The following ASAP1 variants were observed in gnomAD, a reference collection of about 807,000 sequenced individuals.
ASAP1 encodes the protein ArfGAP with SH3 domain, ankyrin repeat and PH domain 1.
In ASAP1, 43 loss-of-function variants were observed where a neutral mutation model predicts 145.2. That is an observed-to-expected ratio of 0.30 (90% CI 0.23 to 0.38). ASAP1 has a LOEUF of 0.38. ASAP1 is among the 10% of genes least tolerant of loss of function. The pLI, the probability that ASAP1 is intolerant of heterozygous loss-of-function variation, is 1.00. For synonymous variants in ASAP1, 546 were observed against 515.5 expected (o/e 1.06, Z -0.80); for missense variants, 1,018 against 1,355.3 (o/e 0.75, Z 3.91).
chr8:130,099,539 C>T (rs2097524979), intron 24 of ASAP1, among the ~76,000 whole-genome samples: 1 of 151,858 alleles, frequency 6.6e-6, no homozygotes, highest in Non-Finnish European at 1.5e-5. Flanking sequence ...CTATGTTGTC[C>T]AGGCTTGAGC....
chr8:130,328,135 A>T (rs781208150), intron 3 of ASAP1, among the ~76,000 whole-genome samples: 6 of 152,184 alleles, frequency 3.9e-5, no homozygotes, highest in Non-Finnish European at 7.4e-5. Flanking sequence ...TAAGTATTCT[A>T]CATGCATTTC....
chr8:130,244,552 A>G (rs766863855), intron 3 of ASAP1, among the ~76,000 whole-genome samples: 29 of 152,148 alleles, frequency 1.9e-4, no homozygotes, highest in Non-Finnish European at 3.1e-4. Flanking sequence ...ATTTCCCCTC[A>G]CTAGAATTAT....
At chr8:130,373,912 T>A (rs1827352301) in intron 2 of ASAP1, among the ~76,000 whole-genome samples, 1 of 148,788 alleles carries the variant, frequency 6.7e-6, no homozygotes, top group Non-Finnish European at 1.5e-5. Context: ...GGCATGATGC[T>A]ATATTCAAGA....
At chr8:130,182,881 T>G (rs1814462090) in intron 7 of ASAP1, among the ~76,000 whole-genome samples, 1 of 133,252 alleles carries the variant, frequency 7.5e-6, no homozygotes, top group Admixed American at 7.2e-5. Context: ...CTTAGAAATT[T>G]AAAATGACAG....
intron 29 of ASAP1, among the ~76,000 whole-genome samples, chr8:130,057,727 CG>C (rs1179433314): frequency 1.1e-4 from 17 of 152,308 alleles, no homozygotes; most frequent in African/African-American, 4.1e-4. Context: ...GGATTACAGG[CG>C]TGAGCCACTG....
chr8:130,233,522 C>T (rs369391571), intron 4 of ASAP1, among the ~76,000 whole-genome samples: 3 of 152,180 alleles, frequency 2.0e-5, no homozygotes, highest in African/African-American at 4.8e-5. Context: ...AACAATGGTA[C>T]TTACCTTATT....
At chr8:130,284,850 C>CACACAG (rs1431253129) in intron 3 of ASAP1, among the ~76,000 whole-genome samples, 1 of 147,706 alleles carries the variant, frequency 6.8e-6, no homozygotes, top group Non-Finnish European at 1.5e-5. Context: ...TCTACACACA[C>CACACAG]ACACACACAC....
At position 130,334,409 on chromosome 8, in the gene ASAP1, C is replaced by T. The variant is rs373441482; in HGVS notation, c.186+23608G>A. Among the ~76,000 whole-genome samples, 10 of 152,212 alleles carry T rather than the reference C, an allele frequency of 6.6e-5. No individual in the cohort carries two copies. In the East Asian group the frequency reaches 1.3e-3, roughly 20 times the overall value. ...ACCTCACAGCCTCCCAAAAGTTCTACTTGTGTTTCACATAGATTCAGCTAG... is the reference window on the plus strand; with the variant it reads ...ACCTCACAGCCTCCCAAAAGTTCTATTTGTGTTTCACATAGATTCAGCTAG... On this transcript the variant is annotated intron_variant, in intron 3 of 29. Coordinates refer to ENST00000518721, the MANE Select transcript of ASAP1 (RefSeq NM_018482.4).
At chr8:130,306,988 C>T (rs1762308046) in intron 3 of ASAP1, among the ~76,000 whole-genome samples, 2 of 152,188 alleles carry the variant, frequency 1.3e-5, no homozygotes, top group Non-Finnish European at 2.9e-5. Context: ...CTCATTCTGG[C>T]TCCTTCTGAC....
At chr8:130,195,768 G>T (rs530645365) in intron 5 of ASAP1, among the ~76,000 whole-genome samples, 2 of 152,130 alleles carry the variant, frequency 1.3e-5, no homozygotes, top group Non-Finnish European at 2.9e-5. Context: ...AAAAATAGCC[G>T]TTTATTCCTT....
intron 1 of ASAP1, among the ~76,000 whole-genome samples, chr8:130,407,559 C>T (rs995223181): frequency 1.3e-5 from 2 of 152,206 alleles, no homozygotes; most frequent in African/African-American, 4.8e-5. Flanking sequence ...TACAACCTCT[C>T]ATTTCCCGCT....
At chr8:130,219,660 T>C (rs1817172215) in intron 4 of ASAP1, among the ~76,000 whole-genome samples, 1 of 152,008 alleles carries the variant, frequency 6.6e-6, no homozygotes, top group Non-Finnish European at 1.5e-5. Flanking sequence ...GGTAAGTAGG[T>C]GAGAAAAGAA....
intron 2 of ASAP1, among the ~76,000 whole-genome samples, chr8:130,388,231 A>C (rs1405258019): frequency 6.6e-6 from 1 of 152,208 alleles, no homozygotes; most frequent in Non-Finnish European, 1.5e-5. Context: ...CTCTTGGGGA[A>C]ACGGGGTGGA....
chr8:130,265,336 T>C (rs1408734090), intron 3 of ASAP1, among the ~76,000 whole-genome samples: 1 of 152,086 alleles, frequency 6.6e-6, no homozygotes, highest in Non-Finnish European at 1.5e-5. Context: ...TTTGGGAAGC[T>C]GAGATGGGAG....
At chr8:130,107,084 ACT>A (rs1412138739) in intron 24 of ASAP1, among the ~76,000 whole-genome samples, 1 of 151,996 alleles carries the variant, frequency 6.6e-6, no homozygotes, top group African/African-American at 2.4e-5. Context: ...TCAGTTGAAG[ACT>A]CTGAAAATCA....
At chr8:130,414,058 A>G (rs1331674835) in intron 1 of ASAP1, among the ~76,000 whole-genome samples, 2 of 152,334 alleles carry the variant, frequency 1.3e-5, no homozygotes, top group South Asian at 2.1e-4. Flanking sequence ...AAAATAATAC[A>G]GAGGACTGGA....
chr8:130,180,956 C>T, intron 7 of ASAP1, 76 bp from the exon 8 acceptor site: 1 of 1,370,572 alleles, frequency 7.3e-7, no homozygotes, highest in Non-Finnish European at 1.0e-6. Context: ...GATCCTAATA[C>T]AAACTATGGA....
At chr8:130,171,464 A>G (rs563886965) in intron 9 of ASAP1, among the ~76,000 whole-genome samples, 2 of 152,286 alleles carry the variant, frequency 1.3e-5, no homozygotes, top group Admixed American at 6.5e-5. Flanking sequence ...GAGAAATGCT[A>G]GACACTTAAA....
chr8:130,348,662 T>A (rs1293359886), intron 3 of ASAP1, among the ~76,000 whole-genome samples: 1 of 152,182 alleles, frequency 6.6e-6, no homozygotes, highest in Non-Finnish European at 1.5e-5. Context: ...GAAAACAAGC[T>A]ATGAAGCACA....
Sources: gnomAD v4.1 joint callset for allele counts (sites outside exome capture counted in the v4.1 genomes callset) on GRCh38, gnomAD v4.1.1 for gene constraint, MANE v1.5 for transcripts, NCBI Gene and HGNC (gene_info 2026-07-23, HGNC 2026-07-21) for gene names.